The following COL21A1 variants were observed in gnomAD, a reference collection of about 807,000 sequenced individuals.
The protein encoded by COL21A1 is collagen alpha-1(XXI) chain.
A neutral mutation model predicts 137.9 loss-of-function variants in COL21A1; 149 were observed. That is an observed-to-expected ratio of 1.08 (90% CI 0.95 to 1.24). The LOEUF is 1.24. Among genes scored for constraint, COL21A1 ranks in the 50% most tolerant of loss-of-function variants. COL21A1 has a pLI of 0.00. For missense variants in COL21A1, 1,167 were observed against 1,158.4 expected (o/e 1.01, Z -0.11); for synonymous variants, 456 against 391.5 (o/e 1.16, Z -1.95).
intron 17 of COL21A1, among the ~76,000 whole-genome samples, chr6:56,096,214 C>T (rs1007816463): frequency 5.9e-5 from 9 of 151,884 alleles, no homozygotes; most frequent in African/African-American, 2.2e-4. Flanking sequence ...AGGTTATACA[C>T]ATCTTCCACA....
intron 9 of COL21A1, among the ~76,000 whole-genome samples, chr6:56,160,273 G>A (rs1776096661): frequency 6.6e-6 from 1 of 152,234 alleles, no homozygotes; most frequent in African/African-American, 2.4e-5. Context: ...CATATATTGA[G>A]TTAGCGAATT....
chr6:56,121,007 C>A (rs1315297938), intron 16 of COL21A1, among the ~76,000 whole-genome samples: 13 of 152,070 alleles, frequency 8.5e-5, no homozygotes, highest in Non-Finnish European at 1.5e-5. Context: ...CACATACACA[C>A]AATGGAGTAC....
At chr6:56,105,527 G>C (rs115708547) in intron 16 of COL21A1, among the ~76,000 whole-genome samples, 2,415 of 152,206 alleles carry the variant, frequency 0.016, 30 homozygotes, top group Non-Finnish European at 0.025. Context: ...TTCTAGTTAA[G>C]ATATCATTAA....
At chr6:56,283,881 CT>C (rs1763842959) in intron 1 of COL21A1, among the ~76,000 whole-genome samples, 2 of 150,150 alleles carry the variant, frequency 1.3e-5, no homozygotes, top group Non-Finnish European at 3.0e-5. Context: ...CACACTCTCT[CT>C]CTCTCTCTCT....
chr6:56,280,515 G>T (rs967855785), intron 1 of COL21A1, among the ~76,000 whole-genome samples: 2 of 152,142 alleles, frequency 1.3e-5, no homozygotes, highest in African/African-American at 2.4e-5. Flanking sequence ...CCCTTGAGGG[G>T]CTCACCTGTC....
chr6:56,266,988 G>A (rs1763408070), intron 1 of COL21A1, among the ~76,000 whole-genome samples: 2 of 152,090 alleles, frequency 1.3e-5, no homozygotes, highest in Admixed American at 1.3e-4. Context: ...GTTAACTTAA[G>A]CTTGACTTTA....
chr6:56,305,218 G>T (rs1390754282), intron 1 of COL21A1, among the ~76,000 whole-genome samples: 3 of 152,148 alleles, frequency 2.0e-5, no homozygotes, highest in Non-Finnish European at 4.4e-5. Context: ...TGTTGATTTG[G>T]GGTGGAGAGT....
intron 1 of COL21A1, among the ~76,000 whole-genome samples, chr6:56,378,927 A>G (rs901493522): frequency 1.3e-5 from 2 of 152,320 alleles, no homozygotes; most frequent in African/African-American, 4.8e-5. Context: ...ATAAAACAAG[A>G]GTCTCTGGGT....
intron 9 of COL21A1, among the ~76,000 whole-genome samples, chr6:56,158,615 T>A (rs1004448405): frequency 1.4e-4 from 21 of 152,034 alleles, no homozygotes; most frequent in African/African-American, 5.1e-4. Context: ...TAGAAATCAG[T>A]CACCTACCCT....
chr6:56,197,675 C>T (rs867009114), intron 1 of COL21A1, among the ~76,000 whole-genome samples: 17 of 152,018 alleles, frequency 1.1e-4, no homozygotes, highest in Middle Eastern at 3.4e-3. Flanking sequence ...CCTGTTAGCA[C>T]GGCTATTATC....
At chr6:56,364,147 T>C (rs1766044396) in intron 1 of COL21A1, among the ~76,000 whole-genome samples, 1 of 152,096 alleles carries the variant, frequency 6.6e-6, no homozygotes, top group Non-Finnish European at 1.5e-5. Flanking sequence ...GTCCCTTGAG[T>C]TGCTGCTGAT....
At chr6:56,137,415 A>C (rs1271321360) in intron 12 of COL21A1, among the ~76,000 whole-genome samples, 1 of 152,216 alleles carries the variant, frequency 6.6e-6, no homozygotes, top group Non-Finnish European at 1.5e-5. Context: ...AAACAACAAC[A>C]AAAACACAAA....
chr6:56,244,282 A>C (rs1782519383), intron 1 of COL21A1, among the ~76,000 whole-genome samples: 1 of 152,164 alleles, frequency 6.6e-6, no homozygotes, highest in Admixed American at 6.5e-5. Context: ...TTGGCCATTC[A>C]CTGCAAGCAG....
Position 56,056,923 on chromosome 6 carries a change from T to C in COL21A1, c.*734A>G, listed in dbSNP as rs1028088262. 9 of 152,384 alleles carry C rather than the reference T, an allele frequency of 5.9e-5. No homozygotes were observed. Among genetic ancestry groups the C allele is most frequent in the Non-Finnish European group, 8.8e-5 (6 of 68,060 alleles). 9.4% of individuals were successfully genotyped at this position (152,384 alleles called of 1,614,324 possible). On this transcript the variant is annotated 3_prime_UTR_variant, in exon 30 of 30. Coordinates refer to ENST00000244728, the MANE Select transcript of COL21A1 (RefSeq NM_030820.4). ...TTAATCAACAAGTATAAAATAGTCT[T>C]TTAGTACTTCCAAACTTACATTTTC...
At chr6:56,086,513 G>GA (rs1212231415) in intron 17 of COL21A1, among the ~76,000 whole-genome samples, 1 of 152,114 alleles carries the variant, frequency 6.6e-6, no homozygotes, top group Non-Finnish European at 1.5e-5. Context: ...ATATGGAAGA[G>GA]AAAATATATC....
In COL21A1 at chr6:56,213,483, T is replaced by C. The variant is rs528572728; in HGVS notation, c.-38-30827A>G. Among the ~76,000 whole-genome samples the C allele has an allele frequency of 4.6e-5, 7 of 152,204 alleles. No individual in the cohort carries two copies. In the South Asian group the frequency reaches 1.5e-3, roughly 32 times the overall value. ...AACCTTGGCCCAACAATCACTCTCA[T>C]GGGCAACTTACCTAGCCTTGCTTAG... is the stretch of plus-strand genomic sequence containing the variant. On this transcript the variant is annotated intron_variant, in intron 1 of 29. Coordinates refer to ENST00000244728, the MANE Select transcript of COL21A1 (RefSeq NM_030820.4).
chr6:56,390,840 T>C (rs992996196), intron 1 of COL21A1, among the ~76,000 whole-genome samples: 1 of 152,138 alleles, frequency 6.6e-6, no homozygotes, highest in Admixed American at 6.5e-5. Context: ...ATTAGAGGTA[T>C]ATAGAGAGAT....
At position 56,168,195 on chromosome 6, in the gene COL21A1, G is replaced by T; in HGVS notation, c.1129C>A (p.Pro377Thr). ...DQQIENKPLH[P>T]VLGILINGQT... Reference sequence around the variant, plus strand: ...CCATTGATCAAGATCCCTAAAACTGGATGTAAGGGCTTGTTTTCAATTTGT... The same window carrying T: ...CCATTGATCAAGATCCCTAAAACTGTATGTAAGGGCTTGTTTTCAATTTGT... The change falls in exon 6 of 30, where the codon CCA becomes ACA. Residue 377 changes from proline (P) to threonine (T), a missense_variant. Coordinates refer to ENST00000244728, the MANE Select transcript of COL21A1 (RefSeq NM_030820.4). 6.4e-7 allele frequency: 1 copy of T among 1,561,524 alleles called. No individual in the cohort carries two copies.
intron 1 of COL21A1, among the ~76,000 whole-genome samples, chr6:56,309,868 C>T (rs1459229728): frequency 2.0e-5 from 3 of 152,170 alleles, no homozygotes; most frequent in African/African-American, 7.2e-5. Context: ...TCAATTATTA[C>T]TTCTTCAATG....
Sources: allele counts gnomAD v4.1 joint callset (sites outside exome capture counted in the v4.1 genomes callset), GRCh38; gene constraint gnomAD v4.1.1; transcripts MANE v1.5; gene names NCBI Gene and HGNC (gene_info 2026-07-23, HGNC 2026-07-21).